Variants in INPP4B observed in about 807,000 individuals in gnomAD.
The protein encoded by INPP4B is inositol polyphosphate 4-phosphatase type II.
In INPP4B, 55 loss-of-function variants were observed where a neutral mutation model predicts 122.5. The ratio of observed to expected loss-of-function variants is 0.45; its 90% CI spans 0.36 to 0.56. The LOEUF (loss-of-function observed/expected upper bound fraction) is 0.56, where lower values mean the gene tolerates loss of function less well. Among genes scored for constraint, INPP4B ranks in the 20% least tolerant of loss-of-function variants. INPP4B has a pLI of 0.00. For missense variants in INPP4B, 1,000 were observed against 1,097.7 expected (o/e 0.91, Z 1.26); for synonymous variants, 403 against 388.7 (o/e 1.04, Z -0.43).
At chr4:142,353,202 G>A (rs1355516313) in intron 7 of INPP4B, among the ~76,000 whole-genome samples, 1 of 151,964 alleles carries the variant, frequency 6.6e-6, no homozygotes, top group African/African-American at 2.4e-5. Flanking sequence ...ACGTCTACAG[G>A]TAATGAATAG....
chr4:142,410,003 A>G (rs189166120), intron 5 of INPP4B, among the ~76,000 whole-genome samples: 1 of 152,216 alleles, frequency 6.6e-6, no homozygotes, highest in East Asian at 1.9e-4. Context: ...ATAAAATATC[A>G]GTTTCTGTTT....
chr4:142,209,664 G>C (rs781301960), intron 12 of INPP4B, among the ~76,000 whole-genome samples: 2 of 151,386 alleles, frequency 1.3e-5, no homozygotes, highest in African/African-American at 4.9e-5. Context: ...GTGGTGGTGC[G>C]TGCCTGTAGT....
chr4:142,336,200 C>T (rs1329701331), intron 7 of INPP4B, among the ~76,000 whole-genome samples: 20 of 152,240 alleles, frequency 1.3e-4, no homozygotes, highest in Admixed American at 1.3e-3. Flanking sequence ...CTCTGTTGTC[C>T]ATGTACCTCA....
intron 18 of INPP4B, among the ~76,000 whole-genome samples, chr4:142,137,060 A>G (rs1249624613): frequency 6.6e-6 from 1 of 152,230 alleles, no homozygotes; most frequent in Non-Finnish European, 1.5e-5. Flanking sequence ...GAACCAAAAA[A>G]GAGCTCGCAT....
At chr4:142,179,293 TA>T (rs1829706903) in intron 15 of INPP4B, among the ~76,000 whole-genome samples, 1 of 151,638 alleles carries the variant, frequency 6.6e-6, no homozygotes, top group African/African-American at 2.4e-5. Context: ...GAAAGCACAG[TA>T]AAACCCTGTC....
chr4:142,752,754 TA>T (rs1769925993), intron 1 of INPP4B, among the ~76,000 whole-genome samples: 1 of 152,082 alleles, frequency 6.6e-6, no homozygotes, highest in Non-Finnish European at 1.5e-5. Flanking sequence ...CTACCTCCTA[TA>T]AATTCCCCAA....
chr4:142,306,042 G>A, intron 8 of INPP4B: 1 of 512,388 alleles, frequency 2.0e-6, no homozygotes, highest in South Asian at 8.2e-5. Flanking sequence ...ATGTTTAAAA[G>A]CATTTTTCCT....
At chr4:142,311,104 A>C (rs1016625327) in intron 8 of INPP4B, among the ~76,000 whole-genome samples, 1 of 152,180 alleles carries the variant, frequency 6.6e-6, no homozygotes, top group Non-Finnish European at 1.5e-5. Flanking sequence ...GTAATGACAG[A>C]GCCATTACTG....
At chr4:142,466,088 T>C (rs1015230925) in intron 2 of INPP4B, among the ~76,000 whole-genome samples, 13 of 152,146 alleles carry the variant, frequency 8.5e-5, no homozygotes, top group Admixed American at 7.9e-4. Context: ...GGTGTTACTA[T>C]AGAGATTCCA....
intron 25 of INPP4B, among the ~76,000 whole-genome samples, chr4:142,054,590 A>AC (rs1553959081): frequency 6.6e-6 from 1 of 150,692 alleles, no homozygotes; most frequent in African/African-American, 2.4e-5. Context: ...AGAGGGTCCC[A>AC]TTTTTTTTTC....
intron 2 of INPP4B, among the ~76,000 whole-genome samples, chr4:142,704,280 T>C (rs1032214076): frequency 2.0e-5 from 3 of 152,210 alleles, no homozygotes; most frequent in African/African-American, 7.2e-5. Flanking sequence ...CATTTTGAGA[T>C]AGCTAATTTT....
chr4:142,027,799 C>G lies in INPP4B; in HGVS notation c.*983G>C, dbSNP rs1370497667. ...TAAGGGCAAGGGCAAGTTTGATATTCAGGGCAACAGAAAATAATTGTTTTA... is the reference window on the plus strand; with the variant it reads ...TAAGGGCAAGGGCAAGTTTGATATTGAGGGCAACAGAAAATAATTGTTTTA... On this transcript the variant is annotated 3_prime_UTR_variant, in exon 26 of 26. Coordinates refer to ENST00000262992, the MANE Select transcript of INPP4B (RefSeq NM_001101669.3). 1.8e-5 allele frequency: 3 copies of G among 163,102 alleles called. No individual in the cohort carries two copies. Among genetic ancestry groups the G allele is most frequent in the Admixed American group, 1.3e-4 (2 of 15,512 alleles). The allele number at this position is 163,102 out of a possible 1,614,324, so 10.1% of individuals were successfully genotyped here. A position where few individuals can be genotyped will look rare whatever the true frequency, so the allele number is the denominator to read the frequency against.
At chr4:142,414,681 G>T (rs896839912) in intron 5 of INPP4B, among the ~76,000 whole-genome samples, 2 of 152,126 alleles carry the variant, frequency 1.3e-5, no homozygotes, top group African/African-American at 4.8e-5. Context: ...TTACCTAGGT[G>T]GCTGAGACTC....
At chr4:142,646,165 G>A (rs576018755) in intron 2 of INPP4B, among the ~76,000 whole-genome samples, 3 of 152,114 alleles carry the variant, frequency 2.0e-5, no homozygotes, top group Non-Finnish European at 4.4e-5. Context: ...CCACTGGATG[G>A]TATTTTTAAT....
At chr4:142,351,155 A>G (rs1781811617) in intron 7 of INPP4B, among the ~76,000 whole-genome samples, 1 of 151,922 alleles carries the variant, frequency 6.6e-6, no homozygotes, top group Non-Finnish European at 1.5e-5. Flanking sequence ...AGCCTGACCC[A>G]TGTTCCCTCT....
At chr4:142,206,658 A>G (rs900176146) in intron 14 of INPP4B, among the ~76,000 whole-genome samples, 14 of 152,100 alleles carry the variant, frequency 9.2e-5, no homozygotes, top group African/African-American at 2.9e-4. Flanking sequence ...AAAGCTATAT[A>G]TATGTATACA....
intron 17 of INPP4B, 66 bp downstream of exon 17, chr4:142,160,292 C>A: frequency 9.3e-7 from 1 of 1,071,318 alleles, no homozygotes; most frequent in Non-Finnish European, 1.3e-6. Flanking sequence ...GCAGAGCTAT[C>A]TGATCATTCC....
chr4:142,528,694 C>T (rs185437783), intron 2 of INPP4B, among the ~76,000 whole-genome samples: 14 of 152,120 alleles, frequency 9.2e-5, no homozygotes, highest in African/African-American at 3.4e-4. Flanking sequence ...GTCAGAATTC[C>T]CCTCCCACAA....
In INPP4B at chr4:142,579,763, C is replaced by T. The variant is rs142166848; in HGVS notation, c.-190-117037G>A. On this transcript the variant is annotated intron_variant, in intron 2 of 25. Coordinates refer to ENST00000262992, the MANE Select transcript of INPP4B (RefSeq NM_001101669.3). The stretch of plus-strand genomic sequence containing the variant: ...TAAACTCTTAGCTCTCTTGTGTCTC[C>T]TGCTTGCTGACTCACTCAGATAATC... Among the ~76,000 whole-genome samples the T allele has an allele frequency of 3.3e-3, 495 of 151,496 alleles. 7 individuals are homozygous for T. The highest frequency in any genetic ancestry group is 0.018 in the East Asian group (92 of 5,066).
Sources: allele counts gnomAD v4.1 joint callset (sites outside exome capture counted in the v4.1 genomes callset), GRCh38; gene constraint gnomAD v4.1.1; transcripts MANE v1.5; gene names NCBI Gene and HGNC (gene_info 2026-07-23, HGNC 2026-07-21).